SYT6: variants seen among roughly 807,000 people sequenced by gnomAD.
SYT6 encodes the protein synaptotagmin 6.
Under a neutral mutation model 38.4 loss-of-function variants are expected in SYT6, and 24 were observed. The ratio of observed to expected loss-of-function variants is 0.62; its 90% CI spans 0.45 to 0.88. SYT6 has a LOEUF of 0.88. Among genes scored for constraint, SYT6 ranks in the 40% least tolerant of loss-of-function variants. The probability of loss-of-function intolerance (pLI) is 0.00; values close to 1 mark genes in which losing one functional copy is unlikely to be tolerated. For missense variants in SYT6, 611 were observed against 621.0 expected (o/e 0.98, Z 0.17); for synonymous variants, 265 against 241.9 (o/e 1.10, Z -0.89).
intron 3 of SYT6, among the ~76,000 whole-genome samples, chr1:114,127,999 G>A (rs557302128): frequency 6.6e-6 from 1 of 152,358 alleles, no homozygotes; most frequent in Non-Finnish European, 1.5e-5. Context: ...GTGGGTGGGG[G>A]CCAGGCAGCT....
chr1:114,148,666 ATCATTTAT>A (rs983452730), intron 1 of SYT6, among the ~76,000 whole-genome samples: 5 of 137,130 alleles, frequency 3.6e-5, no homozygotes, highest in African/African-American at 1.4e-4. Flanking sequence ...TACTAATAAT[ATCATTTAT>A]TTATTTATTT....
chr1:114,120,753 A>G (rs535628089), intron 3 of SYT6, among the ~76,000 whole-genome samples: 1 of 152,350 alleles, frequency 6.6e-6, no homozygotes, highest in African/African-American at 2.4e-5. Flanking sequence ...GTGGTATATA[A>G]AGGCAAGGTG....
intron 1 of SYT6, among the ~76,000 whole-genome samples, chr1:114,140,552 A>T (rs948847445): frequency 2.0e-5 from 3 of 152,118 alleles, no homozygotes; most frequent in Non-Finnish European, 4.4e-5. Context: ...AGTGAATGAG[A>T]TTGAGCATAA....
In SYT6 at chr1:114,153,816, C is replaced by T. The variant is rs1399602846; in HGVS notation, c.-44G>A. 6.6e-6 allele frequency: 4 copies of T among 602,790 alleles called. No individual in the cohort carries two copies. The highest frequency in any genetic ancestry group is 3.0e-5 in the Admixed American group (1 of 33,334). 37.3% of individuals were successfully genotyped at this position (602,790 alleles called of 1,614,324 possible). ...TGCCGAGCAGCAGCTCGAACCCGCG[C>T]CCCGGCCGCACTGGGGCGGGGCACG... On this transcript the variant is annotated 5_prime_UTR_variant, in exon 1 of 8. Coordinates refer to ENST00000610222, the MANE Select transcript of SYT6 (RefSeq NM_001253772.2).
chr1:114,117,119 G>A (rs574147845), intron 3 of SYT6, among the ~76,000 whole-genome samples: 2 of 152,304 alleles, frequency 1.3e-5, no homozygotes, highest in East Asian at 3.9e-4. Context: ...CCTGGGGTTC[G>A]AATCCCTGCC....
intron 4 of SYT6, 79 bp from the exon 5 acceptor site, chr1:114,099,344 C>T (rs549868686): frequency 4.7e-5 from 69 of 1,471,634 alleles, no homozygotes; most frequent in South Asian, 2.6e-4. Flanking sequence ...GCAAAGGGAC[C>T]GAAGCCCTAG....
At chr1:114,136,728 C>T (rs1678503422) in intron 3 of SYT6, among the ~76,000 whole-genome samples, 1 of 152,196 alleles carries the variant, frequency 6.6e-6, no homozygotes, top group Admixed American at 6.5e-5. Context: ...GCTGGCCTCC[C>T]CCATCTCCCA....
intron 3 of SYT6, among the ~76,000 whole-genome samples, chr1:114,104,743 T>A (rs926186862): frequency 6.6e-6 from 1 of 152,204 alleles, no homozygotes; most frequent in East Asian, 1.9e-4. Context: ...TAAGTGTTGA[T>A]CTGAGTGCTA....
At chr1:114,112,563 A>G (rs659646) in intron 3 of SYT6, among the ~76,000 whole-genome samples, 96,440 of 152,094 alleles carry the variant, frequency 0.63, 31,418 homozygotes, top group African/African-American at 0.78. Context: ...GGGCTGAGAG[A>G]GTGGAAAGGA....
chr1:114,136,140 G>A (rs569372298), intron 3 of SYT6, among the ~76,000 whole-genome samples: 2 of 152,322 alleles, frequency 1.3e-5, no homozygotes, highest in South Asian at 2.1e-4. Flanking sequence ...TGAGAATGGC[G>A]TGTCCCCCAG....
intron 3 of SYT6, among the ~76,000 whole-genome samples, chr1:114,115,002 CA>C (rs1676913123): frequency 6.6e-6 from 1 of 152,154 alleles, no homozygotes; most frequent in African/African-American, 2.4e-5. Context: ...CTGCCTTATC[CA>C]AATTTACAGG....
chr1:114,095,507 A>T (rs1432303898), intron 6 of SYT6, among the ~76,000 whole-genome samples: 1 of 152,172 alleles, frequency 6.6e-6, no homozygotes, highest in Non-Finnish European at 1.5e-5. Context: ...GTTATTGCGG[A>T]TTGAAGATTA....
intron 3 of SYT6, among the ~76,000 whole-genome samples, chr1:114,118,883 C>T (rs999299079): frequency 6.6e-6 from 1 of 152,186 alleles, no homozygotes; most frequent in Non-Finnish European, 1.5e-5. Flanking sequence ...CCCAGGCATA[C>T]CCAGGCCCCT....
At chr1:114,103,296 C>A (rs1676076635) in intron 4 of SYT6, among the ~76,000 whole-genome samples, 1 of 151,806 alleles carries the variant, frequency 6.6e-6, no homozygotes, top group African/African-American at 2.4e-5. Flanking sequence ...AGAATGACAG[C>A]AACAGATGAT....
chr1:114,114,804 T>C (rs1397663345), intron 3 of SYT6, among the ~76,000 whole-genome samples: 1 of 152,230 alleles, frequency 6.6e-6, no homozygotes, highest in Non-Finnish European at 1.5e-5. Flanking sequence ...ACTGAAGTCA[T>C]TAAATATCAG....
chr1:114,099,336 A>G, intron 4 of SYT6, 71 bp from the exon 5 acceptor site: 1 of 1,497,062 alleles, frequency 6.7e-7, no homozygotes. Context: ...CATTTGCAGC[A>G]AAGGGACCGA....
intron 3 of SYT6, among the ~76,000 whole-genome samples, chr1:114,106,712 C>T (rs1676336600): frequency 6.6e-6 from 1 of 152,108 alleles, no homozygotes. Context: ...CATGCCCCCA[C>T]ACCACACCCC....
chr1:114,096,294 A>T (rs539061459), intron 6 of SYT6, among the ~76,000 whole-genome samples: 1 of 152,036 alleles, frequency 6.6e-6, no homozygotes, highest in South Asian at 2.1e-4. Flanking sequence ...CCCCTGGGGG[A>T]GCTGAGAGAT....
At chr1:114,124,164 T>A (rs1031712215) in intron 3 of SYT6, among the ~76,000 whole-genome samples, 7 of 152,190 alleles carry the variant, frequency 4.6e-5, no homozygotes, top group African/African-American at 1.2e-4. Context: ...GAAATGCCAA[T>A]GGCCATAGCA....
Sources: gnomAD v4.1 joint callset for allele counts (sites outside exome capture counted in the v4.1 genomes callset) on GRCh38, gnomAD v4.1.1 for gene constraint, MANE v1.5 for transcripts, NCBI Gene and HGNC (gene_info 2026-07-23, HGNC 2026-07-21) for gene names.